GRID2: variants seen among roughly 807,000 people sequenced by gnomAD.
The protein encoded by GRID2 is glutamate receptor ionotropic, delta-2.
A neutral mutation model predicts 114.8 loss-of-function variants in GRID2; 33 were observed. That is an observed-to-expected ratio of 0.29 (90% CI 0.22 to 0.38). The LOEUF is 0.38. Among genes scored for constraint, GRID2 ranks in the 10% least tolerant of loss-of-function variants. The probability of loss-of-function intolerance (pLI) is 1.00; values close to 1 mark genes in which losing one functional copy is unlikely to be tolerated. For missense variants in GRID2, 1,184 were observed against 1,257.7 expected (o/e 0.94, Z 0.89); for synonymous variants, 505 against 449.9 (o/e 1.12, Z -1.55).
At position 93,533,365 on chromosome 4, in the gene GRID2, TTCTC is replaced by T. The variant is rs148340371; in HGVS notation, c.2193+17962_2193+17965del. Among the ~76,000 whole-genome samples the T allele has an allele frequency of 9.6e-3, 1,229 of 127,834 alleles. 47 individuals are homozygous for T. Among genetic ancestry groups the T allele is most frequent in the African/African-American group, 0.032 (1,135 of 35,508 alleles). The allele number at this position is 127,834 out of a possible 152,430, so 83.9% of individuals were successfully genotyped here. The stretch of plus-strand genomic sequence containing the variant: ...TGCCCTCCCTCCCTCCCTTCCTTAC[TTCTC>T]TCTCTCTTTCTTTCTTTCTTTCTTT... On this transcript the variant is annotated intron_variant, in intron 13 of 15. Coordinates refer to ENST00000282020, the MANE Select transcript of GRID2 (RefSeq NM_001510.4).
chr4:93,240,868 C>T (rs979877780), intron 8 of GRID2, among the ~76,000 whole-genome samples: 1 of 151,310 alleles, frequency 6.6e-6, no homozygotes, highest in Non-Finnish European at 1.5e-5. Flanking sequence ...TTAGAGTAGT[C>T]GCATTCACCA....
At chr4:93,480,505 A>G (rs767658692) in intron 11 of GRID2, among the ~76,000 whole-genome samples, 48 of 152,166 alleles carry the variant, frequency 3.2e-4, no homozygotes, top group Middle Eastern at 3.4e-3. Context: ...TATATTATGT[A>G]AATTATGTAA....
chr4:92,315,132 G>T (rs760896625), intron 1 of GRID2, among the ~76,000 whole-genome samples: 6 of 152,028 alleles, frequency 3.9e-5, no homozygotes, highest in Non-Finnish European at 7.4e-5. Context: ...TGTGTATTTT[G>T]ATTTTGCACC....
At chr4:93,404,604 A>C (rs952463901) in intron 9 of GRID2, among the ~76,000 whole-genome samples, 1 of 152,144 alleles carries the variant, frequency 6.6e-6, no homozygotes, top group Non-Finnish European at 1.5e-5. Context: ...GCAAAGAACA[A>C]AGACCTTCTA....
chr4:93,558,061 C>A (rs2149556547), intron 13 of GRID2, among the ~76,000 whole-genome samples: 1 of 152,078 alleles, frequency 6.6e-6, no homozygotes, highest in South Asian at 2.1e-4. Flanking sequence ...CATAATGTAC[C>A]AGAATACGTA....
intron 13 of GRID2, among the ~76,000 whole-genome samples, chr4:93,559,157 A>G (rs549885925): frequency 2.5e-4 from 38 of 152,294 alleles, no homozygotes; most frequent in African/African-American, 9.1e-4. Context: ...AGGCAATAGC[A>G]TTCAGGACAT....
intron 7 of GRID2, among the ~76,000 whole-genome samples, chr4:93,227,809 A>G (rs1476454531): frequency 6.6e-6 from 1 of 152,200 alleles, no homozygotes; most frequent in Admixed American, 6.5e-5. Flanking sequence ...TACAGCAAGG[A>G]TGGCTTTCAA....
chr4:93,479,581 G>A (rs561132724), intron 11 of GRID2, among the ~76,000 whole-genome samples: 1 of 152,266 alleles, frequency 6.6e-6, no homozygotes, highest in South Asian at 2.1e-4. Flanking sequence ...GAACCTGGGA[G>A]TGGGGATGGG....
intron 14 of GRID2, among the ~76,000 whole-genome samples, chr4:93,727,926 CA>C (rs1730092969): frequency 6.6e-6 from 1 of 152,058 alleles, no homozygotes; most frequent in East Asian, 1.9e-4. Flanking sequence ...TTGATCCTTT[CA>C]AAAAACCAGC....
At chr4:92,769,666 A>C (rs1279465283) in intron 2 of GRID2, among the ~76,000 whole-genome samples, 2 of 152,180 alleles carry the variant, frequency 1.3e-5, no homozygotes, top group Admixed American at 6.5e-5. Context: ...CTGCAGGCTC[A>C]ACACCACATG....
At chr4:93,738,124 G>T (rs1731076226) in intron 14 of GRID2, among the ~76,000 whole-genome samples, 1 of 152,072 alleles carries the variant, frequency 6.6e-6, no homozygotes, top group Non-Finnish European at 1.5e-5. Context: ...GAAGAGAAAA[G>T]CTATTCTAGA....
chr4:93,445,244 G>A (rs961276871), intron 10 of GRID2, among the ~76,000 whole-genome samples: 8 of 151,994 alleles, frequency 5.3e-5, no homozygotes, highest in African/African-American at 1.7e-4. Context: ...AGAGCAACAA[G>A]AGAAAATAAG....
In GRID2 at chr4:93,444,083, G is replaced by A. The variant is rs1261801856; in HGVS notation, c.1546-11579G>A. On this transcript the variant is annotated intron_variant, in intron 10 of 15. Coordinates refer to ENST00000282020, the MANE Select transcript of GRID2 (RefSeq NM_001510.4). ...GGATAAGTCCCATAGGAGAGATACA[G>A]AAAAACAGAGAAATGAAGGATAACT... Among the ~76,000 whole-genome samples the A allele has an allele frequency of 2.6e-5, 4 of 151,922 alleles. 1 individual carries two copies. Among genetic ancestry groups the A allele is most frequent in the Admixed American group, 1.3e-4 (2 of 15,216 alleles).
intron 1 of GRID2, among the ~76,000 whole-genome samples, chr4:92,514,843 A>T (rs1279018283): frequency 2.0e-5 from 3 of 151,854 alleles, no homozygotes. Flanking sequence ...TCCTTTGATC[A>T]CAAAGTTACC....
chr4:93,411,982 G>T (rs1022129140), intron 9 of GRID2, among the ~76,000 whole-genome samples: 1 of 150,556 alleles, frequency 6.6e-6, no homozygotes, highest in Non-Finnish European at 1.5e-5. Context: ...AACCAATCCC[G>T]AACTTCAAAA....
chr4:92,790,331 T>C (rs188737070), intron 2 of GRID2, among the ~76,000 whole-genome samples: 347 of 151,984 alleles, frequency 2.3e-3, no homozygotes, highest in African/African-American at 7.0e-3. Context: ...TTCTTTCTTT[T>C]ACAAATCTCA....
intron 14 of GRID2, among the ~76,000 whole-genome samples, chr4:93,752,360 T>TTTTATTTATTTATTTATTTATTTA (rs58427324): frequency 6.7e-6 from 1 of 149,154 alleles, no homozygotes; most frequent in Non-Finnish European, 1.5e-5. Context: ...CATACTGTTC[T>TTTTATTTATTTATTTATTTATTTA]TTTATTTATT....
chr4:93,451,469 G>A (rs1269214956), intron 10 of GRID2, among the ~76,000 whole-genome samples: 1 of 152,108 alleles, frequency 6.6e-6, no homozygotes, highest in African/African-American at 2.4e-5. Flanking sequence ...AGAACTGCTG[G>A]AAGGGAAAAT....
At chr4:93,720,115 C>G (rs1022929196) in intron 14 of GRID2, among the ~76,000 whole-genome samples, 1 of 152,056 alleles carries the variant, frequency 6.6e-6, no homozygotes, top group Non-Finnish European at 1.5e-5. Context: ...AGAACAAAGT[C>G]CAATAGTTGG....
Sources: gnomAD v4.1 joint callset for allele counts (sites outside exome capture counted in the v4.1 genomes callset) on GRCh38, gnomAD v4.1.1 for gene constraint, MANE v1.5 for transcripts, NCBI Gene and HGNC (gene_info 2026-07-23, HGNC 2026-07-21) for gene names.